STXBP4: variants seen among roughly 807,000 people sequenced by gnomAD.
The protein encoded by STXBP4 is syntaxin-binding protein 4.
STXBP4 carries 55 observed loss-of-function variants against 76.1 expected under a neutral mutation model. The observed-to-expected ratio is 0.72, with a 90% CI of 0.58 to 0.91. STXBP4 has a LOEUF of 0.91. STXBP4 is among the 40% of genes least tolerant of loss of function. The probability of loss-of-function intolerance (pLI) is 0.00; values close to 1 mark genes in which losing one functional copy is unlikely to be tolerated. For missense variants in STXBP4, 618 were observed against 636.9 expected (o/e 0.97, Z 0.32); for synonymous variants, 201 against 220.2 (o/e 0.91, Z 0.77).
At chr17:55,018,633 T>A (rs2078250917) in intron 8 of STXBP4, among the ~76,000 whole-genome samples, 1 of 151,866 alleles carries the variant, frequency 6.6e-6, no homozygotes, top group Admixed American at 6.6e-5. Context: ...AAAAAAGGAG[T>A]CAGCAAAGGG....
chr17:55,079,955 G>C (rs1260776875), intron 15 of STXBP4, among the ~76,000 whole-genome samples: 1 of 151,980 alleles, frequency 6.6e-6, no homozygotes, highest in Non-Finnish European at 1.5e-5. Context: ...TACTCTCCTT[G>C]CTGCTTATGA....
chr17:55,058,259 G>A (rs889532678), intron 12 of STXBP4, among the ~76,000 whole-genome samples: 1 of 152,308 alleles, frequency 6.6e-6, no homozygotes, highest in East Asian at 1.9e-4. Context: ...ACTGGCATGA[G>A]ATGGTATCTC....
chr17:55,174,210 A>G (rs1052782080), downstream of STXBP4, among the ~76,000 whole-genome samples: 2 of 152,180 alleles, frequency 1.3e-5, no homozygotes, highest in African/African-American at 2.4e-5. Context: ...TTAGGGTATG[A>G]GCATTTGTAG....
At chr17:55,089,024 C>G (rs141332277) in intron 16 of STXBP4, among the ~76,000 whole-genome samples, 10 of 152,300 alleles carry the variant, frequency 6.6e-5, no homozygotes, top group African/African-American at 2.4e-4. Flanking sequence ...ACAGAGCACC[C>G]CAATTGTTCA....
rs1390042383 is a variant in STXBP4, at chr17:55,169,875, A to G, written c.*9964A>G. ...TTGTAGTATTTACTGTGTGAAGTGA[A>G]CCTTTAAGGCTGTGGACAATGCAAA... On this transcript the variant is annotated 3_prime_UTR_variant, in exon 18 of 18. Coordinates refer to ENST00000376352, the MANE Select transcript of STXBP4 (RefSeq NM_178509.6). 6.6e-6 allele frequency: 1 copy of G among 152,164 alleles called. No homozygotes were observed. The highest frequency in any genetic ancestry group is 1.9e-4 in the East Asian group (1 of 5,194). 9.4% of individuals were successfully genotyped at this position (152,164 alleles called of 1,614,324 possible). A position where few individuals can be genotyped will look rare whatever the true frequency, so the allele number is the denominator to read the frequency against.
intron 12 of STXBP4, among the ~76,000 whole-genome samples, chr17:55,056,144 A>G (rs1165983616): frequency 6.6e-6 from 1 of 152,226 alleles, no homozygotes; most frequent in African/African-American, 2.4e-5. Flanking sequence ...ATATTTTCTA[A>G]GAGCTACATT....
intron 12 of STXBP4, among the ~76,000 whole-genome samples, chr17:55,065,421 G>A (rs941573733): frequency 2.6e-5 from 4 of 152,142 alleles, no homozygotes; most frequent in African/African-American, 9.7e-5. Flanking sequence ...TAATGTGGAA[G>A]GAATATATTT....
At chr17:55,057,696 C>T (rs933242313) in intron 12 of STXBP4, among the ~76,000 whole-genome samples, 1 of 152,080 alleles carries the variant, frequency 6.6e-6, no homozygotes, top group African/African-American at 2.4e-5. Context: ...TTTATGCTCT[C>T]CCTCCCCTTG....
In STXBP4 at chr17:55,164,576, G is replaced by A. The variant is rs2080366114; in HGVS notation, c.*4665G>A. On this transcript the variant is annotated 3_prime_UTR_variant, in exon 18 of 18. Coordinates refer to ENST00000376352, the MANE Select transcript of STXBP4 (RefSeq NM_178509.6). ...CGCCATTCTCCTGCCTCAGCCTCCCGAGTAGCTGGGACTACAGGCGCCCGC... is the reference window on the plus strand; with the variant it reads ...CGCCATTCTCCTGCCTCAGCCTCCCAAGTAGCTGGGACTACAGGCGCCCGC... 6.8e-6 allele frequency: 1 copy of A among 146,722 alleles called. No individual in the cohort carries two copies. The highest frequency in any genetic ancestry group is 1.5e-5 in the Non-Finnish European group (1 of 66,958). 9.1% of individuals were successfully genotyped at this position (146,722 alleles called of 1,614,324 possible). A position where few individuals can be genotyped will look rare whatever the true frequency, so the allele number is the denominator to read the frequency against.
chr17:55,041,714 G>A (rs1364916697), intron 10 of STXBP4, among the ~76,000 whole-genome samples: 1 of 152,134 alleles, frequency 6.6e-6, no homozygotes, highest in Non-Finnish European at 1.5e-5. Flanking sequence ...TGAAATTACT[G>A]AGGAAACATC....
intron 11 of STXBP4, among the ~76,000 whole-genome samples, chr17:55,046,441 G>T (rs1016386355): frequency 4.0e-5 from 6 of 151,700 alleles, no homozygotes; most frequent in African/African-American, 1.5e-4. Context: ...TGTATTTAAT[G>T]GCTCTTAAAT....
chr17:54,979,130 C>A (rs980155795), intron 1 of STXBP4, among the ~76,000 whole-genome samples: 6 of 152,168 alleles, frequency 3.9e-5, no homozygotes, highest in African/African-American at 1.2e-4. Context: ...CTTTGGTAGA[C>A]AAACCCTGGA....
chr17:55,159,569 T>G (rs1361516539), intron 17 of STXBP4, among the ~76,000 whole-genome samples: 3 of 152,212 alleles, frequency 2.0e-5, no homozygotes, highest in African/African-American at 7.2e-5. Context: ...GAGTTAGAGA[T>G]GCTGCATTCA....
At chr17:55,052,025 A>G (rs1036815941) in intron 12 of STXBP4, among the ~76,000 whole-genome samples, 2 of 152,064 alleles carry the variant, frequency 1.3e-5, no homozygotes, top group Non-Finnish European at 2.9e-5. Context: ...CATTAAGTCA[A>G]ACCATCATAA....
intron 1 of STXBP4, among the ~76,000 whole-genome samples, chr17:54,974,481 C>T (rs1185504730): frequency 6.6e-6 from 1 of 152,140 alleles, no homozygotes; most frequent in African/African-American, 2.4e-5. Context: ...ATATGATTGA[C>T]AGATAATGTG....
At chr17:55,189,127 G>A in the STXBP4 span, among the ~76,000 whole-genome samples, 1 of 151,382 alleles carries the variant, frequency 6.6e-6, no homozygotes, top group Non-Finnish European at 1.5e-5. Flanking sequence ...TCAGTACCCA[G>A]CAGAAGGCCT....
chr17:54,999,328 G>A lies in STXBP4; in HGVS notation c.181-17G>A. Reference sequence around the variant, plus strand: ...ATACCTCATTAGTTCCTTTATAAATGTTACTGTTTTTGTTAGGATGGTCGT... The same window carrying A: ...ATACCTCATTAGTTCCTTTATAAATATTACTGTTTTTGTTAGGATGGTCGT... On this transcript the variant is annotated splice_polypyrimidine_tract_variant and intron_variant, in intron 4 of 17. Transcript: ENST00000376352. The A allele has an allele frequency of 1.3e-6, 2 of 1,582,650 alleles. No individual in the cohort carries two copies. Among genetic ancestry groups the A allele is most frequent in the Non-Finnish European group, 1.7e-6 (2 of 1,161,332 alleles).
At chr17:55,027,375 C>A (rs2144660392) in intron 8 of STXBP4, among the ~76,000 whole-genome samples, 1 of 152,206 alleles carries the variant, frequency 6.6e-6, no homozygotes, top group Non-Finnish European at 1.5e-5. Context: ...ATAAGGCAAG[C>A]ACAAAGGAAG....
the STXBP4 span, among the ~76,000 whole-genome samples, chr17:55,195,662 C>A: frequency 7.2e-5 from 11 of 152,250 alleles, no homozygotes; most frequent in East Asian, 2.1e-3. Context: ...TCTTGAACTC[C>A]TGAGCTCCAG....
Sources: gnomAD v4.1 joint callset for allele counts (sites outside exome capture counted in the v4.1 genomes callset) on GRCh38, gnomAD v4.1.1 for gene constraint, MANE v1.5 for transcripts, NCBI Gene and HGNC (gene_info 2026-07-23, HGNC 2026-07-21) for gene names.